Variants in DOP1A observed in about 807,000 individuals in gnomAD.
DOP1A encodes DOP1 leucine zipper like protein A.
A neutral mutation model predicts 267.6 loss-of-function variants in DOP1A; 90 were observed. That is an observed-to-expected ratio of 0.34 (90% CI 0.28 to 0.40). The LOEUF is 0.40. Ranked by LOEUF, DOP1A falls within the 10% of genes least tolerant of loss-of-function variation. The probability of loss-of-function intolerance (pLI) is 1.00; values close to 1 mark genes in which losing one functional copy is unlikely to be tolerated. For missense variants in DOP1A, 2,437 were observed against 2,900.4 expected (o/e 0.84, Z 3.67); for synonymous variants, 932 against 999.1 (o/e 0.93, Z 1.27).
Position 83,152,306 on chromosome 6 carries a change from T to G in DOP1A, c.6068T>G (p.Met2023Arg). The change falls in exon 30 of 39, where the codon ATG becomes AGG. Residue 2023 changes from methionine (M) to arginine (R), a missense_variant. Met to Arg is a moderately conservative substitution (Grantham distance 91, BLOSUM62 -1). Around this residue, in one of 9 missense-constraint regions of DOP1A, gnomAD observed 216 missense variants for 283.3 expected, o/e 0.76. Coordinates refer to ENST00000349129, the MANE Select transcript of DOP1A (RefSeq NM_015018.4). ...TTTATAGATATGTTATCACCTGCAA[T>G]GGAAACCGCAAACATAACTCCTTCT... ...SDVEDMLSPA[M>R]ETANITPSVY... 1 of 1,573,622 alleles carries G rather than the reference T, an allele frequency of 6.4e-7. No homozygotes were observed. Among genetic ancestry groups the G allele is most frequent in the Non-Finnish European group, 8.6e-7 (1 of 1,161,492 alleles).
intron 38 of DOP1A, among the ~76,000 whole-genome samples, chr6:83,164,188 A>C (rs977831999): frequency 6.6e-6 from 1 of 150,378 alleles, no homozygotes; most frequent in Non-Finnish European, 1.5e-5. Flanking sequence ...ACTGAATTCC[A>C]TAACTATAAA....
chr6:83,135,597 T>TA, intron 19 of DOP1A, 22 bp from the exon 20 acceptor site: 1 of 1,593,550 alleles, frequency 6.3e-7, no homozygotes, highest in Non-Finnish European at 8.6e-7. Context: ...TTCTTTATTT[T>TA]AATTATTTGT....
chr6:83,120,840 TTAA>T (rs779747148), intron 10 of DOP1A, 49 bp downstream of exon 10: 1 of 1,317,206 alleles, frequency 7.6e-7, no homozygotes, highest in South Asian at 2.0e-5. Context: ...TACTTTTGTG[TTAA>T]TAAGAAAATA....
In DOP1A at chr6:83,151,858, T is replaced by C. The variant is rs1412756178; in HGVS notation, c.5905-25T>C. The C allele has an allele frequency of 3.7e-6, 6 of 1,610,380 alleles. No individual in the cohort carries two copies. In the African/African-American group the frequency reaches 5.3e-5, roughly 14 times the overall value. On this transcript the variant is annotated intron_variant, in intron 28 of 38. Transcript: ENST00000349129. ...CTAGTGTGCATGTGTGTACCATACATAGTTGTTCTTCCTTATTTTTTTAGG... is the reference window on the plus strand; with the variant it reads ...CTAGTGTGCATGTGTGTACCATACACAGTTGTTCTTCCTTATTTTTTTAGG...
rs1019476022 is a variant in DOP1A, at chr6:83,168,366, T to C, written c.*199T>C. The C allele has an allele frequency of 2.2e-6, 3 of 1,387,042 alleles. No homozygotes were observed. The highest frequency in any genetic ancestry group is 1.5e-5 in the African/African-American group (1 of 68,896). The allele number at this position is 1,387,042 out of a possible 1,614,324, so 85.9% of individuals were successfully genotyped here. A position where few individuals can be genotyped will look rare whatever the true frequency, so the allele number is the denominator to read the frequency against. On this transcript the variant is annotated 3_prime_UTR_variant, in exon 39 of 39. Transcript: ENST00000349129. ...TTTAAATATTGTTGGCTCATACTGA[T>C]TATGGTGCCTAAGAGAGCTATATAT...
At position 83,153,521 on chromosome 6, in the gene DOP1A, A is replaced by C; in HGVS notation, c.6140A>C (p.His2047Pro). 6.3e-7 allele frequency: 1 copy of C among 1,599,038 alleles called. No homozygotes were observed. The highest frequency in any genetic ancestry group is 8.5e-7 in the Non-Finnish European group (1 of 1,174,038). ...ALTLLSEVLA[H>P]LLDMVFYSDE... ...TTTATGTTTTCATAGGTTTTGGCTC[A>C]TCTTTTGGATATGGTTTTCTATAGT... is the stretch of plus-strand genomic sequence containing the variant. Residue 2047 changes from histidine (H) to proline (P), a missense_variant, in exon 31 of 39, where the codon CAT (histidine) becomes CCT (proline). This residue lies in a region of DOP1A where 216 missense variants were observed against 283.3 expected (regional missense o/e 0.76). Transcript: ENST00000349129.
intron 1 of DOP1A, among the ~76,000 whole-genome samples, chr6:83,071,450 G>C (rs1040629397): frequency 6.6e-6 from 1 of 152,004 alleles, no homozygotes; most frequent in African/African-American, 2.4e-5. Context: ...CAGGTTATCC[G>C]CCTCGCCTCT....
intron 1 of DOP1A, among the ~76,000 whole-genome samples, chr6:83,083,890 A>G (rs915241427): frequency 2.0e-5 from 3 of 152,236 alleles, no homozygotes; most frequent in African/African-American, 7.2e-5. Flanking sequence ...TAATATTTTC[A>G]TATTGCTATG....
chr6:83,120,621 C>A, intron 9 of DOP1A, 62 bp from the exon 10 acceptor site: 1 of 1,356,744 alleles, frequency 7.4e-7, no homozygotes, highest in East Asian at 2.4e-5. Flanking sequence ...AATACTTTTT[C>A]TTAAGGAAAA....
chr6:83,110,933 G>A (rs866619493), intron 6 of DOP1A, among the ~76,000 whole-genome samples: 3 of 152,082 alleles, frequency 2.0e-5, no homozygotes, highest in East Asian at 1.9e-4. Flanking sequence ...TGGCAAGCAC[G>A]TAGAGTCATA....
chr6:83,129,369 A>G lies in DOP1A; in HGVS notation c.2202A>G (p.Ile734Met). ...AAGGAGATGTAAAAGAGAAAAACAT[A>G]AGTAAACAAAAAACTTCTAAAGAAT... ...NSQGDVKEKN[I>M]SKQKTSKEYL... The change falls in exon 16 of 39, where the codon ATA becomes ATG. Residue 734 changes from isoleucine to methionine, a missense_variant. By Grantham distance (10) the Ile-to-Met change is conservative. Transcript: ENST00000349129. The G allele has an allele frequency of 6.2e-7, 1 of 1,611,640 alleles. No homozygotes were observed. The highest frequency in any genetic ancestry group is 8.5e-7 in the Non-Finnish European group (1 of 1,179,210).
intron 19 of DOP1A, 173 bp downstream of exon 19, chr6:83,134,460 C>T (rs1176022338): frequency 3.9e-6 from 2 of 511,848 alleles, no homozygotes; most frequent in South Asian, 3.7e-5. Flanking sequence ...CATTTTTACT[C>T]ATCCACCAGG....
At position 83,108,923 on chromosome 6, in the gene DOP1A, C is replaced by T; in HGVS notation, c.334C>T (p.Pro112Ser). The T allele has an allele frequency of 6.2e-7, 1 of 1,611,138 alleles. No homozygotes were observed. The highest frequency in any genetic ancestry group is 8.5e-7 in the Non-Finnish European group (1 of 1,178,644). ...DLFLYSSGLFPLLANAAMSVK... is the reference protein window; with the variant it reads ...DLFLYSSGLFSLLANAAMSVK... ...TTTTTTTAATAGTTCTGGATTATTTCCTCTTCTTGCAAATGCTGCCATGTC... is the reference window on the plus strand; with the variant it reads ...TTTTTTTAATAGTTCTGGATTATTTTCTCTTCTTGCAAATGCTGCCATGTC... Residue 112 changes from proline to serine, a missense_variant, in exon 5 of 39, where the codon CCT becomes TCT. Physicochemically the swap from Pro to Ser is moderately conservative, Grantham distance 74. Around this residue, in one of 9 missense-constraint regions of DOP1A, gnomAD observed 251 missense variants for 359.1 expected, o/e 0.70. Coordinates refer to ENST00000349129, the MANE Select transcript of DOP1A (RefSeq NM_015018.4).
chr6:83,152,223 CACACACACAT>C, intron 29 of DOP1A, 55 bp from the exon 30 acceptor site: 1 of 910,682 alleles, frequency 1.1e-6, no homozygotes, highest in Non-Finnish European at 1.7e-6. Flanking sequence ...CACACACACA[CACACACACAT>C]AAAATTTATT....
chr6:83,129,341 C>T lies in DOP1A; in HGVS notation c.2174C>T (p.Ser725Leu), dbSNP rs1413067545. 1.2e-6 allele frequency: 2 copies of T among 1,605,904 alleles called. No homozygotes were observed. Among genetic ancestry groups the T allele is most frequent in the Non-Finnish European group, 1.7e-6 (2 of 1,177,600 alleles). Residue 725 changes from serine (S) to leucine (L), a missense_variant, in exon 16 of 39, where the codon TCA becomes TTA. Around this residue, in one of 9 missense-constraint regions of DOP1A, gnomAD observed 498 missense variants for 513.5 expected, o/e 0.97. Coordinates refer to ENST00000349129, the MANE Select transcript of DOP1A (RefSeq NM_015018.4). ...QGETSKWDRN[S>L]QGDVKEKNIS... ...GAGACTTCAAAATGGGACAGAAATT[C>T]ACAAGGAGATGTAAAAGAGAAAAAC... is the stretch of plus-strand genomic sequence containing the variant.
At chr6:83,164,584 C>T (rs1784996065) in intron 38 of DOP1A, 1 of 1,411,138 alleles carries the variant, frequency 7.1e-7, no homozygotes, top group African/African-American at 1.4e-5. Flanking sequence ...TCCAAATCAC[C>T]TTAAACAAGG....
intron 33 of DOP1A, 30 bp from the exon 34 acceptor site, chr6:83,155,921 T>C (rs547054396): frequency 5.0e-6 from 8 of 1,596,108 alleles, no homozygotes; most frequent in African/African-American, 2.7e-5. Context: ...CAGATGACAG[T>C]GTCACAGTCT....
chr6:83,130,427 T>A, intron 17 of DOP1A, 30 bp downstream of exon 17: 1 of 1,589,068 alleles, frequency 6.3e-7, no homozygotes, highest in Non-Finnish European at 8.6e-7. Flanking sequence ...TATATGACTA[T>A]GATGATTACA....
chr6:83,169,701 G>C, downstream of DOP1A: 1 of 459,978 alleles, frequency 2.2e-6, no homozygotes, highest in Non-Finnish European at 4.4e-6. Context: ...GATGGCTTAA[G>C]CTTCTGCAGG....
Sources: gnomAD v4.1 joint callset for allele counts (sites outside exome capture counted in the v4.1 genomes callset) on GRCh38, gnomAD v4.1.1 for gene constraint, gnomAD v4.1.1 regional missense constraint, MANE v1.5 for transcripts, NCBI Gene and HGNC (gene_info 2026-07-23, HGNC 2026-07-21) for gene names.